SEC24B: variants seen among roughly 807,000 people sequenced by gnomAD.
SEC24B encodes SEC24 homolog B, COPII component, also known as protein transport protein Sec24B.
In SEC24B, 45 loss-of-function variants were observed where a neutral mutation model predicts 142.8. The ratio of observed to expected loss-of-function variants is 0.32; its 90% CI spans 0.25 to 0.40. The LOEUF (loss-of-function observed/expected upper bound fraction) is 0.40, where lower values mean the gene tolerates loss of function less well. Ranked by LOEUF, SEC24B falls within the 10% of genes least tolerant of loss-of-function variation. The pLI, the probability that SEC24B is intolerant of heterozygous loss-of-function variation, is 1.00. For missense variants in SEC24B, 1,409 were observed against 1,526.8 expected (o/e 0.92, Z 1.29); for synonymous variants, 574 against 568.2 (o/e 1.01, Z -0.15).
intron 3 of SEC24B, among the ~76,000 whole-genome samples, chr4:109,473,674 A>G (rs1192514456): frequency 6.6e-6 from 1 of 152,228 alleles, no homozygotes; most frequent in Non-Finnish European, 1.5e-5. Context: ...TTGAAGAACT[A>G]TATGATTTAT....
chr4:109,463,016 G>T lies in SEC24B; in HGVS notation c.249G>T (p.Leu83Phe). The change falls in exon 2 of 24, where the codon TTG becomes TTT. Residue 83 changes from leucine (L) to phenylalanine (F), a missense_variant. Leu to Phe is a conservative substitution (Grantham distance 22). Around this residue, in one of 2 missense-constraint regions of SEC24B, gnomAD observed 709 missense variants for 673.5 expected, o/e 1.05. Transcript: ENST00000265175. ...QGPGKMTSLPLDTQCGDYYSA... is the reference protein window; with the variant it reads ...QGPGKMTSLPFDTQCGDYYSA... ...CTGGGAAAATGACCTCATTGCCATT[G>T]GATACCCAGTGTGGTGATTACTACT... is the stretch of plus-strand genomic sequence containing the variant. 6.2e-7 allele frequency: 1 copy of T among 1,613,974 alleles called. No homozygotes were observed. The highest frequency in any genetic ancestry group is 8.5e-7 in the Non-Finnish European group (1 of 1,179,974).
chr4:109,527,114 G>A (rs1290359565), intron 17 of SEC24B, among the ~76,000 whole-genome samples: 1 of 151,832 alleles, frequency 6.6e-6, no homozygotes, highest in African/African-American at 2.4e-5. Context: ...AGCTACTTGG[G>A]AGGCTGAGGC....
At chr4:109,498,799 C>CT (rs1735804903) in intron 6 of SEC24B, among the ~76,000 whole-genome samples, 1 of 151,830 alleles carries the variant, frequency 6.6e-6, no homozygotes, top group Non-Finnish European at 1.5e-5. Context: ...TGTGTAAGGG[C>CT]TTTTCTTTGT....
At chr4:109,460,995 GC>G (rs1476798419) in intron 1 of SEC24B, among the ~76,000 whole-genome samples, 1 of 151,912 alleles carries the variant, frequency 6.6e-6, no homozygotes, top group African/African-American at 2.4e-5. Context: ...AGAAACTATA[GC>G]AAAAGATACC....
In SEC24B at chr4:109,481,767, A is replaced by G; in HGVS notation, c.1151A>G (p.Glu384Gly). 6.2e-7 allele frequency: 1 copy of G among 1,613,528 alleles called. No individual in the cohort carries two copies. The highest frequency in any genetic ancestry group is 8.5e-7 in the Non-Finnish European group (1 of 1,179,562). ...TCCGATGATGAGGAAGAGGAGGAGG[A>G]GGATGAGGAAGCAGGTCTGCTTTAG... is the stretch of plus-strand genomic sequence containing the variant. ...STSDDEEEEE[E>G]DEEAGVDSSS... Residue 384 changes from glutamate (E) to glycine (G), a missense_variant, in exon 4 of 24, where the codon GAG becomes GGG. Glu to Gly is a moderately conservative substitution (Grantham distance 98). Transcript: ENST00000265175.
intron 1 of SEC24B, among the ~76,000 whole-genome samples, chr4:109,437,807 T>G (rs1728549929): frequency 6.6e-6 from 1 of 152,164 alleles, no homozygotes; most frequent in Admixed American, 6.5e-5. Flanking sequence ...GTATTTTTAG[T>G]AGAGATGGAG....
At chr4:109,477,738 C>T (rs529904128) in intron 3 of SEC24B, among the ~76,000 whole-genome samples, 1 of 152,004 alleles carries the variant, frequency 6.6e-6, no homozygotes, top group African/African-American at 2.4e-5. Context: ...CAAAACTTAT[C>T]AAAGCATATA....
intron 7 of SEC24B, among the ~76,000 whole-genome samples, chr4:109,507,300 G>A (rs1358175792): frequency 6.7e-6 from 1 of 148,606 alleles, no homozygotes; most frequent in African/African-American, 2.5e-5. Context: ...TTTTTGATGG[G>A]GTCTCAGTCT....
rs544401627 is a variant in SEC24B at position 109,539,024 on chromosome 4, C to T, written c.3692+428C>T. Among the ~76,000 whole-genome samples the T allele has an allele frequency of 4.6e-5, 7 of 151,972 alleles. No homozygotes were observed. In the East Asian group the frequency reaches 7.7e-4, roughly 17 times the overall value. On this transcript the variant is annotated intron_variant, in intron 23 of 23. Coordinates refer to ENST00000265175, the MANE Select transcript of SEC24B (RefSeq NM_006323.5). ...TCACCCGGGCTGGAGTGCGATGGTG[C>T]GATCTCAGCCCACTGCAACCTCTGC...
chr4:109,439,474 AT>A (rs70949077), intron 1 of SEC24B, among the ~76,000 whole-genome samples: 1 of 43,996 alleles, frequency 2.3e-5, no homozygotes, highest in Admixed American at 4.3e-4. Flanking sequence ...TCCTAAGCTG[AT>A]TTTTTTTTTT....
At chr4:109,451,995 G>A (rs1730144251) in intron 1 of SEC24B, among the ~76,000 whole-genome samples, 1 of 151,594 alleles carries the variant, frequency 6.6e-6, no homozygotes, top group Non-Finnish European at 1.5e-5. Context: ...GTAGAGTACA[G>A]CTGTATAGGT....
intron 5 of SEC24B, among the ~76,000 whole-genome samples, chr4:109,492,544 TA>T (rs1735125709): frequency 6.6e-6 from 1 of 152,220 alleles, no homozygotes; most frequent in South Asian, 2.1e-4. Flanking sequence ...ATTCTAATCT[TA>T]TAATGAACTA....
intron 2 of SEC24B, among the ~76,000 whole-genome samples, chr4:109,471,334 A>G (rs540711598): frequency 2.0e-5 from 3 of 151,958 alleles, no homozygotes; most frequent in East Asian, 3.9e-4. Context: ...CAGTAGAGAT[A>G]GGGTTTTGCC....
In SEC24B at chr4:109,463,180, C is replaced by T. The variant is rs763553151; in HGVS notation, c.413C>T (p.Ala138Val). 6.2e-7 allele frequency: 1 copy of T among 1,614,206 alleles called. No homozygotes were observed. The highest frequency in any genetic ancestry group is 8.5e-7 in the Non-Finnish European group (1 of 1,180,036). ...GSTLGSFQGA[A>V]SSASHLHTSA... is the part of the protein sequence containing the mutation. Reference sequence around the variant, plus strand: ...ACTCTAGGATCTTTCCAAGGTGCTGCATCGTCAGCATCCCATTTGCATACG... The same window carrying T: ...ACTCTAGGATCTTTCCAAGGTGCTGTATCGTCAGCATCCCATTTGCATACG... Residue 138 changes from alanine (A) to valine (V), a missense_variant, in exon 2 of 24, where the codon GCA (alanine) becomes GTA (valine). By Grantham distance (64) the Ala-to-Val change is moderately conservative. Transcript: ENST00000265175.
intron 6 of SEC24B, among the ~76,000 whole-genome samples, chr4:109,501,014 T>C (rs1301173973): frequency 6.6e-6 from 1 of 152,176 alleles, no homozygotes; most frequent in Non-Finnish European, 1.5e-5. Flanking sequence ...TTATAAAGCC[T>C]ACAGTACAGT....
intron 4 of SEC24B, among the ~76,000 whole-genome samples, chr4:109,482,935 ACTATAT>A (rs1442511758): frequency 3.7e-4 from 14 of 37,524 alleles, no homozygotes; most frequent in African/African-American, 1.1e-3. Context: ...CCAGGCTTGT[ACTATAT>A]ATATATATAT....
At chr4:109,460,721 T>C (rs1230884344) in intron 1 of SEC24B, among the ~76,000 whole-genome samples, 4 of 151,610 alleles carry the variant, frequency 2.6e-5, no homozygotes, top group African/African-American at 9.7e-5. Flanking sequence ...AGTTAATATA[T>C]GTAAAGCATT....
At chr4:109,449,396 C>CT (rs74494967) in intron 1 of SEC24B, 23,662 of 300,872 alleles carry the variant, frequency 0.079, 236 homozygotes, top group South Asian at 0.1. Flanking sequence ...GCTAATTTTT[C>CT]TTTTTTTTTT....
At chr4:109,464,785 C>A (rs548068505) in intron 2 of SEC24B, among the ~76,000 whole-genome samples, 53 of 152,098 alleles carry the variant, frequency 3.5e-4, no homozygotes, top group African/African-American at 1.0e-3. Context: ...AATATTAGAC[C>A]CAAGCTGTAC....
Sources: allele counts gnomAD v4.1 joint callset (sites outside exome capture counted in the v4.1 genomes callset), GRCh38; gene constraint gnomAD v4.1.1; regional missense constraint gnomAD v4.1.1; transcripts MANE v1.5; gene names NCBI Gene and HGNC (gene_info 2026-07-23, HGNC 2026-07-21).